The following RASGRF1 variants were observed in gnomAD, a reference collection of about 807,000 sequenced individuals.
RASGRF1 encodes Ras protein specific guanine nucleotide releasing factor 1.
A neutral mutation model predicts 138.7 loss-of-function variants in RASGRF1; 40 were observed. The ratio of observed to expected loss-of-function variants is 0.29; its 90% CI spans 0.22 to 0.38. The LOEUF (loss-of-function observed/expected upper bound fraction) is 0.38. RASGRF1 is among the 10% of genes least tolerant of loss of function. The pLI is 1.00. For synonymous variants in RASGRF1, 614 were observed against 663.2 expected (o/e 0.93, Z 1.14); for missense variants, 1,108 against 1,650.4 (o/e 0.67, Z 5.69).
intron 2 of RASGRF1, among the ~76,000 whole-genome samples, chr15:79,062,165 T>C (rs2057615767): frequency 2.6e-5 from 4 of 152,224 alleles, no homozygotes. Flanking sequence ...TAAATCAATG[T>C]AGTCCTGGTT....
intron 26 of RASGRF1, among the ~76,000 whole-genome samples, chr15:78,963,307 C>CTT (rs533139771): frequency 2.8e-4 from 41 of 146,524 alleles, no homozygotes; most frequent in Middle Eastern, 3.4e-3. Flanking sequence ...AAAAAATTTT[C>CTT]TTTTTTTTTT....
At position 78,985,129 on chromosome 15, in the gene RASGRF1, C is replaced by T; in HGVS notation, c.3292G>A (p.Val1098Met). The change falls in exon 23 of 27, where the codon GTG becomes ATG. Residue 1098 changes from valine to methionine, a missense_variant. By Grantham distance (21) the Val-to-Met change is conservative (BLOSUM62 1). Transcript: ENST00000558480. ...NARVSAIEKWVAVADICRCLH... is the reference protein window; with the variant it reads ...NARVSAIEKWMAVADICRCLH... ...CAGCGGCATATGTCAGCTACGGCCA[C>T]CCACTTCTCGATGGCGCTCACCCTG... 1 of 1,613,394 alleles carries T rather than the reference C, an allele frequency of 6.2e-7. No homozygotes were observed. Among genetic ancestry groups the T allele is most frequent in the Non-Finnish European group, 8.5e-7 (1 of 1,179,310 alleles).
intron 18 of RASGRF1, 170 bp from the exon 19 acceptor site, chr15:78,998,378 G>C (rs1193761409): frequency 6.1e-6 from 4 of 659,538 alleles, no homozygotes; most frequent in Non-Finnish European, 5.4e-6. Context: ...GGCTCTCCAG[G>C]CCTAGAGAAT....
chr15:79,049,454 G>A (rs2057399639), intron 4 of RASGRF1, 42 bp downstream of exon 4: 1 of 1,576,898 alleles, frequency 6.3e-7, no homozygotes, highest in South Asian at 1.1e-5. Context: ...GCTCTCTAAA[G>A]AGAGAGCTCC....
Position 78,990,224 on chromosome 15 carries a change from G to A in RASGRF1, c.3181C>T (p.Pro1061Ser). 6.2e-7 allele frequency: 1 copy of A among 1,610,024 alleles called. No individual in the cohort carries two copies. The highest frequency in any genetic ancestry group is 8.5e-7 in the Non-Finnish European group (1 of 1,176,228). ...WMKLEKNERT[P>S]YIMKTTKHFN... ...TGCTTAGTGGTTTTCATGATATAAG[G>A]GGTCCTTTCATTCTTTTCCAGTTTC... Residue 1061 changes from proline (P) to serine (S), a missense_variant, in exon 22 of 27, where the codon CCT (proline) becomes TCT (serine). This residue lies in a region of RASGRF1 where 686 missense variants were observed against 976.7 expected (regional missense o/e 0.70). Coordinates refer to ENST00000558480, the MANE Select transcript of RASGRF1 (RefSeq NM_001145648.3).
At chr15:79,071,463 G>A (rs2057754473) in intron 1 of RASGRF1, among the ~76,000 whole-genome samples, 1 of 151,286 alleles carries the variant, frequency 6.6e-6, no homozygotes, top group African/African-American at 2.4e-5. Context: ...AGGTTCAAGT[G>A]ATTCTCCTGC....
At position 78,998,749 on chromosome 15, in the gene RASGRF1, C is replaced by A. The variant is rs771346612; in HGVS notation, c.2823G>T (p.Val941=). The A allele has an allele frequency of 1.2e-6, 2 of 1,614,004 alleles. No homozygotes were observed. The highest frequency in any genetic ancestry group is 1.7e-6 in the Non-Finnish European group (2 of 1,179,988). The stretch of plus-strand genomic sequence containing the variant: ...AGTGCTTGGACACCCAGTGGCGGAG[C>A]ACGTTCAAGACACGATTGGTGGCTG... The part of the protein sequence containing the change: ...RRAATNRVLN[V]LRHWVSKHSQ... The change falls in exon 18 of 27, where the codon GTG becomes GTT. Residue 941 remains valine (V), a synonymous_variant. Coordinates refer to ENST00000558480, the MANE Select transcript of RASGRF1 (RefSeq NM_001145648.3).
At chr15:79,083,641 C>T (rs780716229) in intron 1 of RASGRF1, among the ~76,000 whole-genome samples, 1 of 152,232 alleles carries the variant, frequency 6.6e-6, no homozygotes, top group South Asian at 2.1e-4. Context: ...CAAGGAATAA[C>T]AGTCCCCAGC....
At chr15:79,061,161 G>A (rs1223637055) in intron 2 of RASGRF1, among the ~76,000 whole-genome samples, 2 of 152,050 alleles carry the variant, frequency 1.3e-5, no homozygotes, top group Non-Finnish European at 2.9e-5. Flanking sequence ...TCAGTCCCAT[G>A]GCTACAAGGA....
intron 2 of RASGRF1, among the ~76,000 whole-genome samples, chr15:79,063,291 A>G (rs1427854794): frequency 1.3e-5 from 2 of 152,152 alleles, no homozygotes; most frequent in Non-Finnish European, 2.9e-5. Flanking sequence ...GCTAGAATGG[A>G]TACCCCTTGA....
chr15:79,015,207 A>G, intron 13 of RASGRF1, 120 bp downstream of exon 13: 1 of 942,768 alleles, frequency 1.1e-6, no homozygotes, highest in Non-Finnish European at 1.6e-6. Context: ...AACACCCCCA[A>G]AGACAAAGCC....
chr15:79,007,545 G>GTT (rs5813951), intron 13 of RASGRF1, among the ~76,000 whole-genome samples: 26,526 of 108,700 alleles, frequency 0.24, 3,924 homozygotes, highest in Non-Finnish European at 0.34. Context: ...GCCGTATCTA[G>GTT]TTTTTTTTTT....
At chr15:79,014,827 G>A (rs1270487833) in intron 13 of RASGRF1, among the ~76,000 whole-genome samples, 1 of 151,696 alleles carries the variant, frequency 6.6e-6, no homozygotes, top group African/African-American at 2.4e-5. Context: ...TGAGGCAGGA[G>A]AATTATTTGA....
intron 5 of RASGRF1, among the ~76,000 whole-genome samples, chr15:79,035,623 A>T (rs1432414633): frequency 6.6e-6 from 1 of 152,232 alleles, no homozygotes; most frequent in Non-Finnish European, 1.5e-5. Context: ...AAACACGAGT[A>T]AAAGCCATGG....
Position 79,017,803 on chromosome 15 carries a change from C to T in RASGRF1, c.1710G>A (p.Gln570=). 6.2e-7 allele frequency: 1 copy of T among 1,612,034 alleles called. No homozygotes were observed. The highest frequency in any genetic ancestry group is 1.7e-4 in the Middle Eastern group (1 of 6,056). Residue 570 remains glutamine, a synonymous_variant, in exon 12 of 27, where the codon CAG becomes CAA. Transcript: ENST00000558480. ...FTVILVASSR[Q]EKAAWTSDIS... is the part of the protein sequence containing the mutation. ...TGTCACTGGTCCACGCTGCCTTCTC[C>T]TGTCTGGACGAGGCCACTAGGATGA...
chr15:78,989,113 G>A (rs931660621), intron 22 of RASGRF1, among the ~76,000 whole-genome samples: 2 of 152,210 alleles, frequency 1.3e-5, no homozygotes, highest in Non-Finnish European at 2.9e-5. Context: ...AATGCTCCCT[G>A]TGGATGTGAA....
chr15:78,987,422 T>C (rs1467245500), intron 22 of RASGRF1, among the ~76,000 whole-genome samples: 3 of 151,780 alleles, frequency 2.0e-5, no homozygotes, highest in African/African-American at 4.8e-5. Context: ...GGTGGCCGAG[T>C]GCAGTGGCTC....
At chr15:79,022,941 G>A (rs1023101688) in intron 10 of RASGRF1, among the ~76,000 whole-genome samples, 1 of 152,154 alleles carries the variant, frequency 6.6e-6, no homozygotes, top group Non-Finnish European at 1.5e-5. Context: ...TTGGGAGGCC[G>A]AGGCAGGCGG....
intron 7 of RASGRF1, 57 bp from the exon 8 acceptor site, chr15:79,031,566 G>C (rs1277012884): frequency 1.4e-5 from 16 of 1,153,946 alleles, no homozygotes; most frequent in Non-Finnish European, 2.0e-5. Flanking sequence ...TATGGCCGGG[G>C]AGCAAGGCAG....
Sources: gnomAD v4.1 joint callset for allele counts (sites outside exome capture counted in the v4.1 genomes callset) on GRCh38, gnomAD v4.1.1 for gene constraint, gnomAD v4.1.1 regional missense constraint, MANE v1.5 for transcripts, NCBI Gene and HGNC (gene_info 2026-07-23, HGNC 2026-07-21) for gene names.